Variants in ADARB1 observed in about 807,000 individuals in gnomAD.
ADARB1 encodes adenosine deaminase RNA specific B1.
Under a neutral mutation model 52.4 loss-of-function variants are expected in ADARB1, and 10 were observed. That is an observed-to-expected ratio of 0.19 (90% CI 0.12 to 0.32). The LOEUF (loss-of-function observed/expected upper bound fraction) is 0.32. Among genes scored for constraint, ADARB1 ranks in the 10% least tolerant of loss-of-function variants. The probability of loss-of-function intolerance (pLI) is 1.00; values close to 1 mark genes in which losing one functional copy is unlikely to be tolerated. For missense variants in ADARB1, 643 were observed against 922.3 expected, an observed-to-expected ratio of 0.70 and a Z score of 3.92; for synonymous variants, 349 against 371.1, an observed-to-expected ratio of 0.94 and a Z score of 0.68.
chr21:45,138,813 G>A (rs922895845), intron 2 of ADARB1, among the ~76,000 whole-genome samples: 1 of 152,110 alleles, frequency 6.6e-6, no homozygotes, highest in Admixed American at 6.5e-5. Context: ...TGGCCTGTGG[G>A]CCCTGGGCGG....
intron 1 of ADARB1, among the ~76,000 whole-genome samples, chr21:45,109,113 G>C (rs1281831992): frequency 6.6e-6 from 1 of 152,270 alleles, no homozygotes; most frequent in Non-Finnish European, 1.5e-5. Context: ...TCACCAGTCT[G>C]CGCTGCTGCC....
chr21:45,151,517 A>G (rs2090287562), intron 2 of ADARB1, among the ~76,000 whole-genome samples: 2 of 152,054 alleles, frequency 1.3e-5, no homozygotes, highest in South Asian at 2.1e-4. Context: ...TCTTTTGCCT[A>G]TGAGTGCTTC....
At position 45,172,507 on chromosome 21, in the gene ADARB1, G is replaced by A. The variant is rs377282512; in HGVS notation, c.28+823G>A. On this transcript the variant is annotated intron_variant, in intron 3 of 10. Transcript: ENST00000348831. The surrounding 1 kb of genome is among the most constrained non-coding windows in gnomAD (Gnocchi z 4.4). Reference sequence around the variant, plus strand: ...CTTAGCACTTTCCCTTTGACTTTACGCACAACCGATGATCTGGGGTCTTGG... The same window carrying A: ...CTTAGCACTTTCCCTTTGACTTTACACACAACCGATGATCTGGGGTCTTGG... Among the ~76,000 whole-genome samples, 3 of 152,108 alleles carry A rather than the reference G, an allele frequency of 2.0e-5. No homozygotes were observed. The East Asian group carries it at 5.8e-4, about 29-fold the overall frequency.
At chr21:45,097,660 G>C (rs2086823917) in intron 1 of ADARB1, among the ~76,000 whole-genome samples, 1 of 152,164 alleles carries the variant, frequency 6.6e-6, no homozygotes, top group African/African-American at 2.4e-5. Flanking sequence ...GTGGAAGGCA[G>C]TGCCTATGAC....
intron 2 of ADARB1, among the ~76,000 whole-genome samples, chr21:45,151,492 A>G (rs1318308732): frequency 6.6e-6 from 1 of 152,156 alleles, no homozygotes; most frequent in Non-Finnish European, 1.5e-5. Flanking sequence ...CTGACTAATT[A>G]ATTTGTCTTT....
At chr21:45,217,695 A>G (rs1474989098) in intron 9 of ADARB1, among the ~76,000 whole-genome samples, 2 of 151,850 alleles carry the variant, frequency 1.3e-5, no homozygotes, top group Non-Finnish European at 2.9e-5. Context: ...TTTTGGTATC[A>G]TTTTTTCTTC....
chr21:45,180,258 G>A, intron 4 of ADARB1, 72 bp from the exon 5 acceptor site: 1 of 1,066,634 alleles, frequency 9.4e-7, no homozygotes, highest in Non-Finnish European at 1.4e-6. Flanking sequence ...GAGAGTGCGT[G>A]CAGCATTGAG....
At chr21:45,125,343 C>G (rs939393103) in intron 1 of ADARB1, among the ~76,000 whole-genome samples, 1 of 152,180 alleles carries the variant, frequency 6.6e-6, no homozygotes. Flanking sequence ...TCAGCTGTGG[C>G]TTTCTTGGTT....
chr21:45,096,794 C>T (rs990140565), intron 1 of ADARB1, among the ~76,000 whole-genome samples: 1 of 152,204 alleles, frequency 6.6e-6, no homozygotes, highest in Non-Finnish European at 1.5e-5. Context: ...CTGTCTCTGT[C>T]GCCCAGGCGG....
chr21:45,155,783 CCACCCACCCACCCAT>C (rs2090537281), intron 2 of ADARB1, among the ~76,000 whole-genome samples: 1 of 17,204 alleles, frequency 5.8e-5, no homozygotes, highest in African/African-American at 3.0e-4. Flanking sequence ...ATCCATCCAC[CCACCCACCCACCCAT>C]CATCACCCAT....
chr21:45,138,773 A>G (rs911224634), intron 2 of ADARB1, among the ~76,000 whole-genome samples: 4 of 152,138 alleles, frequency 2.6e-5, no homozygotes, highest in African/African-American at 9.7e-5. Flanking sequence ...CCTGCTGGTC[A>G]TCCTAGAGAC....
intron 2 of ADARB1, among the ~76,000 whole-genome samples, chr21:45,146,784 G>A (rs1335695207): frequency 6.6e-6 from 1 of 152,214 alleles, no homozygotes; most frequent in East Asian, 1.9e-4. Context: ...AGAATCCAGA[G>A]CTCAGACAGC....
chr21:45,225,293 A>T lies in ADARB1; in HGVS notation c.*3096A>T. 1 of 1,182,380 alleles carries T rather than the reference A, an allele frequency of 8.5e-7. No homozygotes were observed. The highest frequency in any genetic ancestry group is 1.0e-6 in the Non-Finnish European group (1 of 956,958). The allele number at this position is 1,182,380 out of a possible 1,614,324, so 73.2% of individuals were successfully genotyped here. On this transcript the variant is annotated 3_prime_UTR_variant, in exon 11 of 11. Transcript: ENST00000348831. ...CATCACCTGGTCGTACGCCAGGCCC[A>T]CCTCTTCCCAGCAAGGGACGCCAAA...
intron 1 of ADARB1, among the ~76,000 whole-genome samples, chr21:45,109,098 G>A (rs945336033): frequency 1.3e-5 from 2 of 152,196 alleles, no homozygotes; most frequent in Admixed American, 1.3e-4. Context: ...GGGTTCATGC[G>A]GGAATCACCA....
intron 2 of ADARB1, among the ~76,000 whole-genome samples, chr21:45,154,421 C>G (rs1036702222): frequency 7.2e-5 from 11 of 152,124 alleles, no homozygotes; most frequent in African/African-American, 2.7e-4. Flanking sequence ...ACATTTATAC[C>G]AAACTGGCAA....
At chr21:45,107,576 C>T (rs2087314823) in intron 1 of ADARB1, among the ~76,000 whole-genome samples, 1 of 152,080 alleles carries the variant, frequency 6.6e-6, no homozygotes. Context: ...AAGATAGTAT[C>T]TCAGATTGTT....
chr21:45,118,089 C>T (rs1481170535), intron 1 of ADARB1, among the ~76,000 whole-genome samples: 1 of 152,182 alleles, frequency 6.6e-6, no homozygotes, highest in East Asian at 1.9e-4. Context: ...AGAAAAGTAA[C>T]ATTTATAGTA....
chr21:45,151,995 G>A (rs754277515), intron 2 of ADARB1, among the ~76,000 whole-genome samples: 12 of 152,214 alleles, frequency 7.9e-5, no homozygotes, highest in Admixed American at 6.5e-4. Flanking sequence ...TCCGAGACAC[G>A]TGAGTTAAGA....
At chr21:45,191,255 T>C (rs1244991534) in intron 8 of ADARB1, among the ~76,000 whole-genome samples, 1 of 152,238 alleles carries the variant, frequency 6.6e-6, no homozygotes, top group African/African-American at 2.4e-5. Flanking sequence ...TCTGTAGATA[T>C]TGACTGTTCT....
Sources: allele counts gnomAD v4.1 joint callset (sites outside exome capture counted in the v4.1 genomes callset), GRCh38; gene constraint gnomAD v4.1.1; non-coding constraint Gnocchi (gnomAD v3.1); transcripts MANE v1.5; gene names NCBI Gene and HGNC (gene_info 2026-07-23, HGNC 2026-07-21).